YLPM1: variants seen among roughly 807,000 people sequenced by gnomAD.
YLPM1 encodes YLP motif-containing protein 1.
A neutral mutation model predicts 230.0 loss-of-function variants in YLPM1; 99 were observed. That is an observed-to-expected ratio of 0.43 (90% CI 0.37 to 0.51). The LOEUF (loss-of-function observed/expected upper bound fraction) is 0.51, where lower values mean the gene tolerates loss of function less well. Among genes scored for constraint, YLPM1 ranks in the 20% least tolerant of loss-of-function variants. The pLI is 0.00. For missense variants in YLPM1, 2,592 were observed against 2,707.7 expected (o/e 0.96, Z 0.95); for synonymous variants, 984 against 942.5 (o/e 1.04, Z -0.81).
Position 74,782,125 on chromosome 14 carries a change from A to G in YLPM1, c.2082A>G (p.Pro694=), listed in dbSNP as rs1594815139. Residue 694 remains proline, a synonymous_variant, in exon 4 of 21, where the codon CCA becomes CCG. Transcript: ENST00000325680. ...ATCCTCCGTTGCAATCAGCTGGTCC[A>G]TCAGAACAAGTGAATTCAAAAGCTC... The part of the protein sequence containing the change: ...TYHPPLQSAG[P]SEQVNSKAPL... 4 of 1,613,748 alleles carry G rather than the reference A, an allele frequency of 2.5e-6. No homozygotes were observed. The highest frequency in any genetic ancestry group is 1.3e-5 in the African/African-American group (1 of 74,916).
chr14:74,789,350 G>A (rs2091182514), intron 4 of YLPM1, among the ~76,000 whole-genome samples: 1 of 152,126 alleles, frequency 6.6e-6, no homozygotes, highest in African/African-American at 2.4e-5. Context: ...CCAAGTAGCT[G>A]GGATTATAGG....
chr14:74,786,144 A>G (rs150572936), intron 4 of YLPM1, among the ~76,000 whole-genome samples: 244 of 152,040 alleles, frequency 1.6e-3, no homozygotes, highest in African/African-American at 5.7e-3. Flanking sequence ...GGAGCGGATC[A>G]TGAGGTTAAG....
intron 18 of YLPM1, chr14:74,828,026 G>A: frequency 2.0e-6 from 2 of 984,538 alleles, no homozygotes; most frequent in South Asian, 9.4e-5. Flanking sequence ...CACTTTTATG[G>A]GAAGGGGGCT....
At chr14:74,824,805 TA>T (rs1352254032) in intron 18 of YLPM1, among the ~76,000 whole-genome samples, 1 of 152,056 alleles carries the variant, frequency 6.6e-6, no homozygotes, top group Non-Finnish European at 1.5e-5. Context: ...GCCTGCTTTA[TA>T]AGATTCAGTT....
chr14:74,811,112 C>G (rs2091430108), intron 9 of YLPM1, among the ~76,000 whole-genome samples: 4 of 152,178 alleles, frequency 2.6e-5, no homozygotes, highest in Middle Eastern at 3.4e-3. Flanking sequence ...TAGGCGTGAG[C>G]CATCATGCCC....
chr14:74,780,428 C>T lies in YLPM1; in HGVS notation c.1134C>T (p.Ala378=), dbSNP rs1300150685. ...EPQSEDPEED[A]RLKQLQAAAA... The stretch of plus-strand genomic sequence containing the variant: ...AGTCTGAGGACCCAGAAGAAGATGC[C>T]AGGTTAAAGCAGTTGCAGGCTGCAG... The change falls in exon 3 of 21, where the codon GCC becomes GCT. Residue 378 remains alanine, a synonymous_variant. Transcript: ENST00000325680. 1.9e-6 allele frequency: 3 copies of T among 1,612,580 alleles called. No individual in the cohort carries two copies. Among genetic ancestry groups the T allele is most frequent in the African/African-American group, 2.7e-5 (2 of 74,844 alleles).
intron 5 of YLPM1, 119 bp from the exon 6 acceptor site, chr14:74,802,437 C>A: frequency 8.2e-7 from 1 of 1,220,684 alleles, no homozygotes; most frequent in Non-Finnish European, 1.1e-6. Context: ...ATGGCCACTG[C>A]AGAGAATTTT....
At chr14:74,772,638 T>G (rs1419901786) in intron 1 of YLPM1, among the ~76,000 whole-genome samples, 2 of 152,192 alleles carry the variant, frequency 1.3e-5, no homozygotes. Context: ...ATTACAGATG[T>G]GAGCCACCGC....
chr14:74,774,512 T>A lies in YLPM1; in HGVS notation c.874-3935T>A, dbSNP rs374258106. Among the ~76,000 whole-genome samples, 16 of 136,264 alleles carry A rather than the reference T, an allele frequency of 1.2e-4. No homozygotes were observed. The East Asian group carries it at 3.7e-3, about 31-fold the overall frequency. 89.4% of individuals were successfully genotyped at this position (136,264 alleles called of 152,430 possible). ...CCTCCGCCTCCTGGGTTCATGCCATTCTCCTGCCTCAGCCTCCCAAGTAGC... is the reference window on the plus strand; with the variant it reads ...CCTCCGCCTCCTGGGTTCATGCCATACTCCTGCCTCAGCCTCCCAAGTAGC... On this transcript the variant is annotated intron_variant, in intron 1 of 20. Transcript: ENST00000325680.
chr14:74,824,737 TAATA>T (rs1245216024), intron 18 of YLPM1, among the ~76,000 whole-genome samples: 4 of 152,064 alleles, frequency 2.6e-5, no homozygotes, highest in African/African-American at 4.8e-5. Flanking sequence ...TCTCCTTGTA[TAATA>T]AATGAGAGTT....
rs1314591195 is a variant in YLPM1, at chr14:74,837,088, C to G, written c.*1350C>G. On this transcript the variant is annotated 3_prime_UTR_variant, in exon 21 of 21. Coordinates refer to ENST00000325680, the MANE Select transcript of YLPM1 (RefSeq NM_019589.3). The stretch of plus-strand genomic sequence containing the variant: ...TTACTTTTATGACCTACATTAAAGA[C>G]TGTATGAATAGAGCTAATAGTTACT... The G allele has an allele frequency of 1.8e-4, 28 of 152,148 alleles. No homozygotes were observed. Among genetic ancestry groups the G allele is most frequent in the Admixed American group, 1.8e-3 (28 of 15,272 alleles). 9.4% of individuals were successfully genotyped at this position (152,148 alleles called of 1,614,324 possible).
At chr14:74,814,720 G>T (rs945726269) in intron 11 of YLPM1, among the ~76,000 whole-genome samples, 7 of 152,184 alleles carry the variant, frequency 4.6e-5, no homozygotes, top group Non-Finnish European at 4.4e-5. Flanking sequence ...TCTGTATGTG[G>T]TTTGGTGTAA....
chr14:74,787,647 C>T (rs1363655189), intron 4 of YLPM1, among the ~76,000 whole-genome samples: 1 of 151,782 alleles, frequency 6.6e-6, no homozygotes, highest in Non-Finnish European at 1.5e-5. Flanking sequence ...TAGTCTTTAC[C>T]GTTTACCTTT....
chr14:74,810,189 A>G (rs768784469), intron 8 of YLPM1, 36 bp from the exon 9 acceptor site: 2 of 1,588,282 alleles, frequency 1.3e-6, no homozygotes, highest in African/African-American at 2.7e-5. Context: ...TTTCTATAAA[A>G]GGGATATAGT....
chr14:74,799,471 G>T lies in YLPM1; in HGVS notation c.4174G>T (p.Asp1392Tyr). ...TWREKRDYVP[D>Y]RMDWERERLS... Reference sequence around the variant, plus strand: ...GCGGGAAAAGCGAGATTATGTTCCTGACAGAATGGACTGGGAAAGAGAACG... The same window carrying T: ...GCGGGAAAAGCGAGATTATGTTCCTTACAGAATGGACTGGGAAAGAGAACG... The change falls in exon 5 of 21, where the codon GAC (aspartate) becomes TAC (tyrosine). Residue 1392 changes from aspartate (D) to tyrosine (Y), a missense_variant. By Grantham distance (160) the Asp-to-Tyr change is radical (BLOSUM62 -3). Coordinates refer to ENST00000325680, the MANE Select transcript of YLPM1 (RefSeq NM_019589.3). The T allele has an allele frequency of 2.5e-6, 4 of 1,613,998 alleles. No individual in the cohort carries two copies. The highest frequency in any genetic ancestry group is 3.4e-6 in the Non-Finnish European group (4 of 1,179,880).
intron 4 of YLPM1, among the ~76,000 whole-genome samples, chr14:74,794,161 C>CT (rs1330233835): frequency 1.3e-5 from 2 of 152,106 alleles, no homozygotes; most frequent in African/African-American, 2.4e-5. Context: ...CTGAGCTAAA[C>CT]TCCATTTCCC....
Position 74,781,468 on chromosome 14 carries a change from T to G in YLPM1, c.1425T>G (p.Leu475=), listed in dbSNP as rs531377195. 2 of 1,613,400 alleles carry G rather than the reference T, an allele frequency of 1.2e-6. No homozygotes were observed. The highest frequency in any genetic ancestry group is 1.7e-6 in the Non-Finnish European group (2 of 1,179,604). The change falls in exon 4 of 21, where the codon CTT becomes CTG. Residue 475 remains leucine (L), a synonymous_variant. Transcript: ENST00000325680. ...QLHSYPHKDQ[L]QEYEKQWKTW... ...ATTCCTATCCTCATAAAGATCAGCT[T>G]CAGGAGTATGAGAAGCAGTGGAAAA...
chr14:74,824,287 A>C lies in YLPM1; in HGVS notation c.6143A>C (p.Asp2048Ala), dbSNP rs746709485. ...GYIPKSKWEM[D>A]TSEAKLDKLD... ...ATTCCGAAAAGCAAATGGGAGATGG[A>C]CACATCTGAGGCAAAGCTAGGTGGG... Residue 2048 changes from aspartate to alanine, a missense_variant, in exon 18 of 21, where the codon GAC becomes GCC. Asp to Ala is a moderately radical substitution (Grantham distance 126). Coordinates refer to ENST00000325680, the MANE Select transcript of YLPM1 (RefSeq NM_019589.3). 1.2e-6 allele frequency: 2 copies of C among 1,612,440 alleles called. No homozygotes were observed. The highest frequency in any genetic ancestry group is 8.5e-7 in the Non-Finnish European group (1 of 1,178,886).
At chr14:74,790,499 T>G (rs773654740) in intron 4 of YLPM1, among the ~76,000 whole-genome samples, 1 of 152,202 alleles carries the variant, frequency 6.6e-6, no homozygotes, top group Non-Finnish European at 1.5e-5. Context: ...TTTGTATAAC[T>G]GCATCATACC....
Sources: allele counts gnomAD v4.1 joint callset (sites outside exome capture counted in the v4.1 genomes callset), GRCh38; gene constraint gnomAD v4.1.1; transcripts MANE v1.5; gene names NCBI Gene and HGNC (gene_info 2026-07-23, HGNC 2026-07-21).